MICAL2: variants seen among roughly 807,000 people sequenced by gnomAD.
MICAL2 encodes microtubule associated monooxygenase, calponin and LIM domain containing 2.
In MICAL2, 77 loss-of-function variants were observed where a neutral mutation model predicts 127.3. That is an observed-to-expected ratio of 0.60 (90% CI 0.50 to 0.73). The LOEUF (loss-of-function observed/expected upper bound fraction) is 0.73. MICAL2 is among the 30% of genes least tolerant of loss of function. MICAL2 has a pLI of 0.00. For synonymous variants in MICAL2, 570 were observed against 551.1 expected, an observed-to-expected ratio of 1.03 and a Z score of -0.48; for missense variants, 1,351 against 1,434.4, an observed-to-expected ratio of 0.94 and a Z score of 0.94.
chr11:12,337,730 G>A (rs993196569), intron 32 of MICAL2, among the ~76,000 whole-genome samples: 66 of 152,172 alleles, frequency 4.3e-4, no homozygotes, highest in African/African-American at 1.4e-3. Context: ...TCATTCAGGA[G>A]CAGGTTGTTC....
At chr11:12,328,147 G>T (rs1365479130) in intron 32 of MICAL2, among the ~76,000 whole-genome samples, 1 of 152,182 alleles carries the variant, frequency 6.6e-6, no homozygotes, top group Non-Finnish European at 1.5e-5. Flanking sequence ...GATTCAAACA[G>T]AACTCATCTG....
chr11:12,189,697 C>A (rs1295476857), intron 3 of MICAL2, among the ~76,000 whole-genome samples: 1 of 152,236 alleles, frequency 6.6e-6, no homozygotes, highest in Non-Finnish European at 1.5e-5. Context: ...TCCCGGAAAT[C>A]CTGCCTTCCA....
chr11:12,165,878 T>G (rs1321727010), intron 3 of MICAL2, among the ~76,000 whole-genome samples: 1 of 152,218 alleles, frequency 6.6e-6, no homozygotes, highest in Non-Finnish European at 1.5e-5. Context: ...CTTGGGATTA[T>G]TGTTTATTAT....
At chr11:12,351,436 C>T (rs896991026) in intron 33 of MICAL2, among the ~76,000 whole-genome samples, 1 of 152,154 alleles carries the variant, frequency 6.6e-6, no homozygotes, top group Non-Finnish European at 1.5e-5. Context: ...AAGGATGCTA[C>T]TAAACATCCT....
chr11:12,345,234 C>A (rs1938935921), intron 32 of MICAL2, among the ~76,000 whole-genome samples: 2 of 152,168 alleles, frequency 1.3e-5, no homozygotes, highest in Non-Finnish European at 2.9e-5. Flanking sequence ...AATGTCATTT[C>A]TTTTTCTGGA....
At chr11:12,314,557 A>C (rs10831784) in intron 29 of MICAL2, among the ~76,000 whole-genome samples, 88,188 of 151,048 alleles carry the variant, frequency 0.58, 27,766 homozygotes, top group Middle Eastern at 0.71. Flanking sequence ...CGGCTCACTG[A>C]AAGTTCCGTC....
chr11:12,282,041 G>A (rs1026095667), intron 2 of MICAL2, among the ~76,000 whole-genome samples: 13 of 152,292 alleles, frequency 8.5e-5, no homozygotes, highest in South Asian at 8.3e-4. Context: ...TGGTGGTCAT[G>A]AGCAGAATTG....
At position 12,213,368 on chromosome 11, in the gene MICAL2, A is replaced by G; in HGVS notation, c.805A>G (p.Ile269Val). The G allele has an allele frequency of 1.2e-6, 2 of 1,614,034 alleles. No homozygotes were observed. Among genetic ancestry groups the G allele is most frequent in the Non-Finnish European group, 1.7e-6 (2 of 1,179,900 alleles). ...GGAAGAGATTAGTGGTGTGGCTTTC[A>G]TCTTCAATCAGAAATTTTTTCAGGA... ...KVEEISGVAF[I>V]FNQKFFQDLK... The change falls in exon 7 of 28, where the codon ATC becomes GTC. Residue 269 changes from isoleucine to valine, a missense_variant. Physicochemically the swap from Ile to Val is conservative, Grantham distance 29 (BLOSUM62 3). Transcript: ENST00000683283.
chr11:12,252,728 A>C (rs1861719159), intron 22 of MICAL2: 1 of 152,192 alleles, frequency 6.6e-6, no homozygotes, highest in African/African-American at 2.4e-5. Flanking sequence ...TCTGCTTTGC[A>C]GTTCCCTGGA....
intron 2 of MICAL2, among the ~76,000 whole-genome samples, chr11:12,139,156 A>G (rs1043100331): frequency 6.6e-6 from 1 of 152,110 alleles, no homozygotes; most frequent in African/African-American, 2.4e-5. Context: ...CTGGTGTCCA[A>G]TGGAGAATGG....
chr11:12,143,183 C>A (rs952577794), intron 2 of MICAL2, among the ~76,000 whole-genome samples: 10 of 152,062 alleles, frequency 6.6e-5, no homozygotes, highest in African/African-American at 2.2e-4. Context: ...CAGGAGGTTG[C>A]CAGGCAGAAA....
rs934028998 is a variant in MICAL2 at position 12,328,366 on chromosome 11, C to T, written c.5515+1100C>T. Reference sequence around the variant, plus strand: ...AAGAGGTTCCTAACTGATCTTGGGGCGAGGGAAGCCATCAAGCAAGGCTTC... The same window carrying T: ...AAGAGGTTCCTAACTGATCTTGGGGTGAGGGAAGCCATCAAGCAAGGCTTC... On this transcript the variant is annotated intron_variant, in intron 32 of 34. Transcript: ENST00000646065. Among the ~76,000 whole-genome samples, 34 of 151,858 alleles carry T rather than the reference C, an allele frequency of 2.2e-4. 1 individual carries two copies. Among genetic ancestry groups the T allele is most frequent in the African/African-American group, 6.3e-4 (26 of 41,306 alleles).
intron 19 of MICAL2, 51 bp from the exon 20 acceptor site, chr11:12,242,620 A>G (rs1191396648): frequency 1.3e-6 from 2 of 1,551,398 alleles, no homozygotes; most frequent in Non-Finnish European, 1.8e-6. Context: ...CAACTGTCTC[A>G]GTCTCTGTCA....
chr11:12,174,324 G>A (rs1448331888), intron 3 of MICAL2, among the ~76,000 whole-genome samples: 1 of 151,804 alleles, frequency 6.6e-6, no homozygotes, highest in Non-Finnish European at 1.5e-5. Flanking sequence ...ATGAAACTCT[G>A]TACCCATAAT....
At chr11:12,262,596 C>T (rs1565280747) in intron 27 of MICAL2, 59 bp downstream of exon 27, 3 of 1,397,124 alleles carry the variant, frequency 2.1e-6, no homozygotes, top group South Asian at 2.3e-5. Flanking sequence ...CCGCTTTCCG[C>T]ACCCCGTCCT....
At chr11:12,148,768 G>A (rs1388273109) in intron 2 of MICAL2, among the ~76,000 whole-genome samples, 2 of 152,196 alleles carry the variant, frequency 1.3e-5, no homozygotes, top group African/African-American at 4.8e-5. Context: ...GCAAGGGTAT[G>A]TGCAAAACCA....
downstream of MICAL2, among the ~76,000 whole-genome samples, chr11:12,290,999 G>A (rs1863890929): frequency 1.3e-5 from 2 of 152,204 alleles, no homozygotes; most frequent in Admixed American, 6.5e-5. Context: ...GTTGCGCTAA[G>A]AAGTGGATGA....
chr11:12,147,334 CAACA>C (rs1274911926), intron 2 of MICAL2, among the ~76,000 whole-genome samples: 1 of 152,140 alleles, frequency 6.6e-6, no homozygotes, highest in African/African-American at 2.4e-5. Flanking sequence ...TTCATTCATT[CAACA>C]AACATATACT....
rs117992341 is a variant in MICAL2 at position 12,218,758 on chromosome 11, T to C, written c.949-1443T>C. Among the ~76,000 whole-genome samples the C allele has an allele frequency of 4.1e-3, 630 of 152,242 alleles. 23 individuals are homozygous for C. In the East Asian group the frequency reaches 0.079, roughly 19 times the overall value. ...TGGTTTGAATGGGGGAAATATGAGT[T>C]TCCAGAACAGGGTATTTGAAATCAT... is the stretch of plus-strand genomic sequence containing the variant. On this transcript the variant is annotated intron_variant, in intron 8 of 27. Coordinates refer to ENST00000683283, the MANE Select transcript of MICAL2 (RefSeq NM_001282663.2).
Sources: gnomAD v4.1 joint callset for allele counts (sites outside exome capture counted in the v4.1 genomes callset) on GRCh38, gnomAD v4.1.1 for gene constraint, MANE v1.5 for transcripts, NCBI Gene and HGNC (gene_info 2026-07-23, HGNC 2026-07-21) for gene names.